POLD3: variants seen among roughly 807,000 people sequenced by gnomAD.
The protein encoded by POLD3 is DNA polymerase delta subunit 3.
In POLD3, 19 loss-of-function variants were observed where a neutral mutation model predicts 58.2. The observed-to-expected ratio is 0.33, with a 90% CI of 0.23 to 0.48. POLD3 has a LOEUF of 0.48. Ranked by LOEUF, POLD3 falls within the 20% of genes least tolerant of loss-of-function variation. The pLI, the probability that POLD3 is intolerant of heterozygous loss-of-function variation, is 0.99. For missense variants in POLD3, 504 were observed against 545.5 expected (o/e 0.92, Z 0.76); for synonymous variants, 172 against 193.5 (o/e 0.89, Z 0.92).
At chr11:74,645,013 T>TG (rs1591324305), downstream of POLD3, among the ~76,000 whole-genome samples, 1 of 152,220 alleles carries the variant, frequency 6.6e-6, no homozygotes, top group East Asian at 1.9e-4. Context: ...TAAAATACTT[T>TG]GGGGATTGTA....
chr11:74,618,795 A>G lies in POLD3; in HGVS notation c.651A>G (p.Glu217=). 1.2e-6 allele frequency: 2 copies of G among 1,610,914 alleles called. No individual in the cohort carries two copies. The highest frequency in any genetic ancestry group is 2.2e-5 in the South Asian group (2 of 90,894). The part of the protein sequence containing the change: ...TNKETKTEAK[E]VTNASAAGNK... ...AGGAAACGAAAACAGAGGCTAAAGA[A>G]GTAACAAATGTAAGTCTTCTTTGAA... The change falls in exon 6 of 12, where the codon GAA becomes GAG. Residue 217 remains glutamate, a synonymous_variant. Coordinates refer to ENST00000263681, the MANE Select transcript of POLD3 (RefSeq NM_006591.3).
chr11:74,596,341 A>AC (rs1455719315), intron 2 of POLD3, among the ~76,000 whole-genome samples: 1 of 148,512 alleles, frequency 6.7e-6, no homozygotes, highest in Non-Finnish European at 1.5e-5. Flanking sequence ...GTGCCACCAT[A>AC]CCCGGCTAAT....
chr11:74,664,942 A>G (rs780287311), intron 4 of POLD3, among the ~76,000 whole-genome samples: 12 of 151,922 alleles, frequency 7.9e-5, no homozygotes, highest in Non-Finnish European at 1.5e-4. Flanking sequence ...TCTACTAAAA[A>G]TACAAAACTT....
chr11:74,597,095 CCT>C (rs1373910259), intron 2 of POLD3, among the ~76,000 whole-genome samples: 5 of 152,186 alleles, frequency 3.3e-5, no homozygotes, highest in African/African-American at 1.2e-4. Flanking sequence ...GATTTCATTT[CCT>C]TTGGATGTAT....
Position 74,662,119 on chromosome 11 carries a change from C to T in POLD3, c.370-6658C>T, listed in dbSNP as rs547223761. 5.3e-5 allele frequency among the ~76,000 whole-genome samples: 8 copies of T among 152,296 alleles called. No homozygotes were observed. The South Asian group carries it at 1.7e-3, about 32-fold the overall frequency. Reference sequence around the variant, plus strand: ...CTGGCCCAGGGCAGGTCCAGAAATACCTTCCAAGAGCCAAGGCCTGGAATT... The same window carrying T: ...CTGGCCCAGGGCAGGTCCAGAAATATCTTCCAAGAGCCAAGGCCTGGAATT... On this transcript the variant is annotated intron_variant, in intron 4 of 4. Coordinates refer to the POLD3 transcript ENST00000524752.
chr11:74,654,389 G>T (rs1010298203), intron 4 of POLD3, among the ~76,000 whole-genome samples: 1 of 151,952 alleles, frequency 6.6e-6, no homozygotes, highest in African/African-American at 2.4e-5. Flanking sequence ...TATAATACTC[G>T]TAAACGTGCA....
In POLD3 at chr11:74,596,344, C is replaced by T. The variant is rs189376345; in HGVS notation, c.116+2228C>T. Among the ~76,000 whole-genome samples the T allele has an allele frequency of 9.9e-5, 15 of 151,354 alleles. No homozygotes were observed. The East Asian group carries it at 2.2e-3, about 22-fold the overall frequency. On this transcript the variant is annotated intron_variant, in intron 2 of 11. Transcript: ENST00000263681. ...GACTACAGGCATGTGCCACCATACC[C>T]GGCTAATTTTATTGTATTTTTAGTA...
At position 74,629,206 on chromosome 11, in the gene POLD3, G is replaced by T; in HGVS notation, c.900-11G>T. 1.3e-6 allele frequency: 2 copies of T among 1,514,568 alleles called. No homozygotes were observed. Among genetic ancestry groups the T allele is most frequent in the South Asian group, 2.3e-5 (2 of 86,438 alleles). The allele number at this position is 1,514,568 out of a possible 1,614,324, so 93.8% of individuals were successfully genotyped here. A position where few individuals can be genotyped will look rare whatever the true frequency, so the allele number is the denominator to read the frequency against. ...GTGTAACACGCTTAATTTATTTCTG[G>T]ATGGCAACAGGGGGAAGCGAGTAGC... On this transcript the variant is annotated splice_polypyrimidine_tract_variant and intron_variant, in intron 8 of 11. Transcript: ENST00000263681.
chr11:74,621,652 A>G (rs1225687652), intron 7 of POLD3, among the ~76,000 whole-genome samples: 4 of 152,148 alleles, frequency 2.6e-5, no homozygotes, highest in Admixed American at 6.5e-5. Flanking sequence ...TGGTGATACA[A>G]TAGAGGAAAA....
chr11:74,599,013 C>T (rs1352854538), intron 2 of POLD3, among the ~76,000 whole-genome samples: 1 of 152,178 alleles, frequency 6.6e-6, no homozygotes, highest in East Asian at 1.9e-4. Flanking sequence ...CCAATACATA[C>T]TGAATGAATA....
intron 6 of POLD3, among the ~76,000 whole-genome samples, chr11:74,619,498 G>A (rs2032184306): frequency 6.6e-6 from 1 of 152,132 alleles, no homozygotes; most frequent in South Asian, 2.1e-4. Context: ...TCAACTGTGT[G>A]CCAGTGTCTT....
intron 8 of POLD3, among the ~76,000 whole-genome samples, chr11:74,626,691 T>G (rs1448856439): frequency 6.6e-6 from 1 of 152,230 alleles, no homozygotes; most frequent in East Asian, 1.9e-4. Flanking sequence ...CATTCTTTTC[T>G]GGTAATGTCT....
intron 7 of POLD3, among the ~76,000 whole-genome samples, chr11:74,621,201 A>G (rs2032244561): frequency 6.6e-6 from 1 of 152,192 alleles, no homozygotes. Context: ...ACCGGGTGGC[A>G]CAGGAGGTGA....
intron 3 of POLD3, among the ~76,000 whole-genome samples, chr11:74,606,747 G>T (rs60629484): frequency 6.6e-6 from 1 of 152,142 alleles, no homozygotes; most frequent in African/African-American, 2.4e-5. Flanking sequence ...GTGTTCCTCA[G>T]TGCATATTTC....
At chr11:74,635,591 G>A (rs1178989810) in intron 10 of POLD3, among the ~76,000 whole-genome samples, 1 of 152,188 alleles carries the variant, frequency 6.6e-6, no homozygotes, top group Non-Finnish European at 1.5e-5. Flanking sequence ...GAGGTAGGAT[G>A]ATCATTTGAG....
At chr11:74,594,242 T>C (rs1162857795) in intron 2 of POLD3, 126 bp downstream of exon 2, 1 of 649,386 alleles carries the variant, frequency 1.5e-6, no homozygotes, top group Non-Finnish European at 2.8e-6. Context: ...CAATCATTGG[T>C]ATTTCTTGGC....
intron 2 of POLD3, 76 bp from the exon 3 acceptor site, chr11:74,604,616 T>C: frequency 1.2e-6 from 1 of 808,476 alleles, no homozygotes; most frequent in South Asian, 1.5e-5. Context: ...ATTTATCTTT[T>C]AAGTCATTAA....
intron 2 of POLD3, among the ~76,000 whole-genome samples, chr11:74,602,669 C>T (rs2031543795): frequency 6.6e-6 from 1 of 152,224 alleles, no homozygotes; most frequent in Non-Finnish European, 1.5e-5. Flanking sequence ...ATAACCTTCT[C>T]AGATCCTTCT....
At position 74,636,309 on chromosome 11, in the gene POLD3, A is replaced by G. The variant is rs563556582; in HGVS notation, c.1198+34A>G. 7.2e-5 allele frequency: 115 copies of G among 1,600,522 alleles called. 1 individual carries two copies. The South Asian group carries it at 1.2e-3, about 16-fold the overall frequency. The stretch of plus-strand genomic sequence containing the variant: ...AATATTTGGCTCCAAATCCAGAGAT[A>G]GAATCTCTTATTACCACAGAGGCAC... On this transcript the variant is annotated intron_variant, in intron 11 of 11. Coordinates refer to ENST00000263681, the MANE Select transcript of POLD3 (RefSeq NM_006591.3).
Sources: allele counts gnomAD v4.1 joint callset (sites outside exome capture counted in the v4.1 genomes callset), GRCh38; gene constraint gnomAD v4.1.1; transcripts MANE v1.5; gene names NCBI Gene and HGNC (gene_info 2026-07-23, HGNC 2026-07-21).